The following KCNQ1OT1 variants were observed in gnomAD, a reference collection of about 807,000 sequenced individuals.
The protein encoded by KCNQ1OT1 is KCNQ1 antisense RNA 2 (non-protein coding).
In KCNQ1OT1 at chr11:2,696,304, T is replaced by C. The variant is rs1016127152; in HGVS notation, n.3691A>G. 17 of 398,524 alleles carry C rather than the reference T, an allele frequency of 4.3e-5. No homozygotes were observed. The Admixed American group carries it at 6.6e-4, about 15-fold the overall frequency. 24.7% of individuals were successfully genotyped at this position (398,524 alleles called of 1,614,324 possible). A position where few individuals can be genotyped will look rare whatever the true frequency, so the allele number is the denominator to read the frequency against. On this transcript the variant is annotated non_coding_transcript_exon_variant, in exon 1 of 1. Coordinates refer to ENST00000597346, the Ensembl canonical transcript of KCNQ1OT1. ...CTTTTCCTAGGGGCTCAGTTAGGAA[T>C]CCATATTCCTATTCCTCCATTTTAG...
chr11:2,638,434 A>C (rs1431296212), exon 1 of KCNQ1OT1: 6 of 152,074 alleles, frequency 3.9e-5, no homozygotes, highest in Non-Finnish European at 7.4e-5. Context: ...TCACTTATGA[A>C]GCTTAGTTTG....
At chr11:2,697,873 A>T (rs1299282058) in exon 1 of KCNQ1OT1, 6 of 398,538 alleles carry the variant, frequency 1.5e-5, no homozygotes, top group Non-Finnish European at 2.7e-5. Context: ...TCGCAATTTT[A>T]AAAAATCCCT....
At chr11:2,636,870 A>T (rs1849476818) in exon 1 of KCNQ1OT1, 1 of 152,082 alleles carries the variant, frequency 6.6e-6, no homozygotes, top group Non-Finnish European at 1.5e-5. Context: ...AGAGCCTGTT[A>T]TTGGTCTTTT....
At position 2,674,472 on chromosome 11, in the gene KCNQ1OT1, G is replaced by A. The variant is rs552249622; in HGVS notation, n.25523C>T. The A allele has an allele frequency of 1.4e-4, 57 of 398,656 alleles. No homozygotes were observed. The Admixed American group carries it at 1.7e-3, about 12-fold the overall frequency. 24.7% of individuals were successfully genotyped at this position (398,656 alleles called of 1,614,324 possible). On this transcript the variant is annotated non_coding_transcript_exon_variant, in exon 1 of 1. Coordinates refer to ENST00000597346, the Ensembl canonical transcript of KCNQ1OT1. This position sits in a 1 kb window ranked among gnomAD's most constrained non-coding sequence, Gnocchi z 5.9. ...CACGTGGGGAGGAGGGCTGCCTGTC[G>A]AGATGTGTAAGATGGCCCCAGTGTT...
At chr11:2,660,708 A>C in exon 1 of KCNQ1OT1, 1 of 398,658 alleles carries the variant, frequency 2.5e-6, no homozygotes, top group Non-Finnish European at 4.4e-6. Context: ...GACAACCTTC[A>C]TTCGGGCTTC....
rs1260774865 is a variant in KCNQ1OT1, at chr11:2,645,167, A to C, written n.54828T>G. ...CAATCTTCTGCCTCCCAAGGTGTCC[A>C]TGCTGGTATTGGGATGGCTGGGATA... On this transcript the variant is annotated non_coding_transcript_exon_variant, in exon 1 of 1. Transcript: ENST00000597346. This position sits in a 1 kb window ranked among gnomAD's most constrained non-coding sequence, Gnocchi z 5.8. 1 of 398,668 alleles carries C rather than the reference A, an allele frequency of 2.5e-6. No homozygotes were observed. Among genetic ancestry groups the C allele is most frequent in the Non-Finnish European group, 4.4e-6 (1 of 226,098 alleles). 24.7% of individuals were successfully genotyped at this position (398,668 alleles called of 1,614,324 possible).
At chr11:2,696,461 T>C in exon 1 of KCNQ1OT1, 1 of 398,700 alleles carries the variant, frequency 2.5e-6, no homozygotes, top group Non-Finnish European at 4.4e-6. Flanking sequence ...CACACCGCTC[T>C]GATTGCTGAA....
At chr11:2,672,345 A>G in exon 1 of KCNQ1OT1, 1 of 398,632 alleles carries the variant, frequency 2.5e-6, no homozygotes, top group South Asian at 1.3e-4. Flanking sequence ...GTGCAGAAGC[A>G]GTGTGGTGGG....
In KCNQ1OT1 at chr11:2,664,194, A is replaced by G. The variant is rs1850021375; in HGVS notation, n.35801T>C. On this transcript the variant is annotated non_coding_transcript_exon_variant, in exon 1 of 1. Coordinates refer to ENST00000597346, the Ensembl canonical transcript of KCNQ1OT1. This position sits in a 1 kb window ranked among gnomAD's most constrained non-coding sequence, Gnocchi z 5.1. ...CTGCTAGATATGAGCCAGCCTGGGA[A>G]GGCAGGAAGGAGCCCAGGCATGGGG... 2 of 398,698 alleles carry G rather than the reference A, an allele frequency of 5.0e-6. No homozygotes were observed. The highest frequency in any genetic ancestry group is 8.8e-6 in the Non-Finnish European group (2 of 226,174). The allele number at this position is 398,698 out of a possible 1,614,324, so 24.7% of individuals were successfully genotyped here. A position where few individuals can be genotyped will look rare whatever the true frequency, so the allele number is the denominator to read the frequency against.
exon 1 of KCNQ1OT1, chr11:2,667,094 T>G: frequency 7.5e-6 from 3 of 398,594 alleles, no homozygotes; most frequent in Non-Finnish European, 1.3e-5. Flanking sequence ...TTCTTCTAAT[T>G]AAATTAAAAC....
exon 1 of KCNQ1OT1, chr11:2,693,996 C>T: frequency 2.5e-6 from 1 of 398,738 alleles, no homozygotes; most frequent in Non-Finnish European, 4.4e-6. Flanking sequence ...AGCCCGGCCT[C>T]TCTAGGCCAC....
In KCNQ1OT1 at chr11:2,664,188, C is replaced by T. The variant is rs988409091; in HGVS notation, n.35807G>A. 3 of 398,578 alleles carry T rather than the reference C, an allele frequency of 7.5e-6. No homozygotes were observed. The highest frequency in any genetic ancestry group is 4.1e-5 in the African/African-American group (2 of 48,618). The allele number at this position is 398,578 out of a possible 1,614,324, so 24.7% of individuals were successfully genotyped here. A position where few individuals can be genotyped will look rare whatever the true frequency, so the allele number is the denominator to read the frequency against. On this transcript the variant is annotated non_coding_transcript_exon_variant, in exon 1 of 1. Coordinates refer to ENST00000597346, the Ensembl canonical transcript of KCNQ1OT1. The surrounding 1 kb of genome is among the most constrained non-coding windows in gnomAD (Gnocchi z 5.1). ...AAGTGGCTGCTAGATATGAGCCAGC[C>T]TGGGAAGGCAGGAAGGAGCCCAGGC...
At chr11:2,634,477 C>T (rs1363264630) in exon 1 of KCNQ1OT1, 1 of 155,738 alleles carries the variant, frequency 6.4e-6, no homozygotes, top group Non-Finnish European at 1.4e-5. Context: ...TGGTTTCCAG[C>T]TTCATCCATG....
exon 1 of KCNQ1OT1, chr11:2,681,862 G>A (rs1408470725): frequency 2.5e-6 from 1 of 398,444 alleles, no homozygotes; most frequent in Non-Finnish European, 4.4e-6. Flanking sequence ...TCCAAAGGAG[G>A]CCCAGCACTA....
Position 2,668,598 on chromosome 11 carries a change from T to C in KCNQ1OT1, n.31397A>G, listed in dbSNP as rs1043974922. 2 of 398,542 alleles carry C rather than the reference T, an allele frequency of 5.0e-6. No homozygotes were observed. The highest frequency in any genetic ancestry group is 4.4e-5 in the Admixed American group (1 of 22,724). 24.7% of individuals were successfully genotyped at this position (398,542 alleles called of 1,614,324 possible). A position where few individuals can be genotyped will look rare whatever the true frequency, so the allele number is the denominator to read the frequency against. ...ATTTAGTCAGATACATCATTCTGTA[T>C]AAATTGCCTACATCTTCTGCCTGTT... On this transcript the variant is annotated non_coding_transcript_exon_variant, in exon 1 of 1. Transcript: ENST00000597346. This position sits in a 1 kb window ranked among gnomAD's most constrained non-coding sequence, Gnocchi z 4.3.
exon 1 of KCNQ1OT1, chr11:2,619,452 C>CT (rs1490493232): frequency 5.0e-6 from 2 of 398,408 alleles, no homozygotes; most frequent in Admixed American, 8.8e-5. Flanking sequence ...ATCTTTCAGT[C>CT]TGTTAGTATC....
Position 2,654,884 on chromosome 11 carries a change from C to G in KCNQ1OT1, n.45111G>C, listed in dbSNP as rs1849816167. 5.0e-6 allele frequency: 2 copies of G among 398,428 alleles called. No homozygotes were observed. The highest frequency in any genetic ancestry group is 4.1e-5 in the African/African-American group (2 of 48,560). The allele number at this position is 398,428 out of a possible 1,614,324, so 24.7% of individuals were successfully genotyped here. On this transcript the variant is annotated non_coding_transcript_exon_variant, in exon 1 of 1. Transcript: ENST00000597346. The surrounding 1 kb of genome is among the most constrained non-coding windows in gnomAD (Gnocchi z 6.4). ...GGTGGAGGGACATATTCTGGCAACT[C>G]TAGGATAAGATGTGCAAGGTCGTGG...
chr11:2,616,179 G>T (rs1429856942), exon 1 of KCNQ1OT1: 5 of 396,778 alleles, frequency 1.3e-5, no homozygotes, highest in Non-Finnish European at 1.8e-5. Context: ...ATTTCTGTAA[G>T]ATCAGTTATA....
chr11:2,685,248 A>G (rs1850465495), exon 1 of KCNQ1OT1: 1 of 398,560 alleles, frequency 2.5e-6, no homozygotes, highest in Non-Finnish European at 4.4e-6. Flanking sequence ...TCCCATTACC[A>G]AACTCCAGGG....
Sources: allele counts gnomAD v4.1 joint callset, GRCh38; gene constraint gnomAD v4.1.1; non-coding constraint Gnocchi (gnomAD v3.1); transcripts MANE v1.5; gene names NCBI Gene and HGNC (gene_info 2026-07-23, HGNC 2026-07-21).